OTULIN: variants seen among roughly 807,000 people sequenced by gnomAD.
OTULIN encodes OTU deubiquitinase with linear linkage specificity, also known as ubiquitin thioesterase otulin.
In OTULIN, 15 loss-of-function variants were observed where a neutral mutation model predicts 39.6. The ratio of observed to expected loss-of-function variants is 0.38; its 90% CI spans 0.25 to 0.58. The LOEUF is 0.58. Ranked by LOEUF, OTULIN falls within the 20% of genes least tolerant of loss-of-function variation. The pLI is 0.66. For synonymous variants in OTULIN, 156 were observed against 170.3 expected (o/e 0.92, Z 0.65); for missense variants, 319 against 445.9 (o/e 0.72, Z 2.56).
rs112812457 is a variant in OTULIN at position 14,686,317 on chromosome 5, T to G, written c.469-1204T>G. On this transcript the variant is annotated intron_variant, in intron 4 of 6. Transcript: ENST00000284274. Reference sequence around the variant, plus strand: ...TTACTATATAAAGTTTTTAATTTTTTGGGGATGAGGTCTTGCTCTGTTGCT... The same window carrying G: ...TTACTATATAAAGTTTTTAATTTTTGGGGGATGAGGTCTTGCTCTGTTGCT... Among the ~76,000 whole-genome samples the G allele has an allele frequency of 7.7e-3, 1,168 of 152,322 alleles. 6 individuals carry two copies. The highest frequency in any genetic ancestry group is 0.013 in the Non-Finnish European group (868 of 68,022).
intron 1 of OTULIN, among the ~76,000 whole-genome samples, chr5:14,670,291 T>C (rs1472102322): frequency 6.6e-6 from 1 of 152,202 alleles, no homozygotes; most frequent in Non-Finnish European, 1.5e-5. Flanking sequence ...TCCCATCCCA[T>C]AACAAAAACG....
chr5:14,691,189 A>G (rs180856828), intron 6 of OTULIN, among the ~76,000 whole-genome samples: 520 of 152,320 alleles, frequency 3.4e-3, no homozygotes, highest in African/African-American at 0.012. Flanking sequence ...GGAATAGCCA[A>G]CCGCTAAAGT....
At chr5:14,673,604 A>G (rs993123311) in intron 1 of OTULIN, 38 bp from the exon 2 acceptor site, 6 of 1,594,886 alleles carry the variant, frequency 3.8e-6, no homozygotes, top group Non-Finnish European at 5.1e-6. Context: ...TGTCAGTGCA[A>G]CAAGTGTTTG....
At chr5:14,666,354 G>A (rs1378903375) in intron 1 of OTULIN, among the ~76,000 whole-genome samples, 1 of 152,172 alleles carries the variant, frequency 6.6e-6, no homozygotes, top group Non-Finnish European at 1.5e-5. Context: ...TGGCACAGGT[G>A]CCTCTTCTGT....
At chr5:14,683,727 C>T (rs1250739011) in intron 4 of OTULIN, among the ~76,000 whole-genome samples, 2 of 152,100 alleles carry the variant, frequency 1.3e-5, no homozygotes, top group African/African-American at 4.8e-5. Context: ...TGAGGCTTTA[C>T]CTTTAAGGAG....
chr5:14,692,550 T>G (rs1454854479), intron 6 of OTULIN, among the ~76,000 whole-genome samples: 1 of 152,234 alleles, frequency 6.6e-6, no homozygotes, highest in East Asian at 1.9e-4. Flanking sequence ...TGGAGAGAGG[T>G]GTCTGTTCAG....
At chr5:14,707,147 GCTGTC>G in the OTULIN span, 1 of 152,212 alleles carries the variant, frequency 6.6e-6, no homozygotes, top group Non-Finnish European at 1.5e-5. Context: ...ACCGGCACAT[GCTGTC>G]CTGGGCACTG....
At chr5:14,688,657 C>A (rs1252706919) in intron 5 of OTULIN, among the ~76,000 whole-genome samples, 1 of 152,124 alleles carries the variant, frequency 6.6e-6, no homozygotes, top group Non-Finnish European at 1.5e-5. Flanking sequence ...TTTTATCTTT[C>A]TTTTACTATA....
intron 1 of OTULIN, among the ~76,000 whole-genome samples, chr5:14,671,443 G>T (rs1735976083): frequency 6.6e-6 from 1 of 152,210 alleles, no homozygotes; most frequent in Admixed American, 6.5e-5. Context: ...ATGATACTAT[G>T]AAAGTGCTTT....
the OTULIN span, among the ~76,000 whole-genome samples, chr5:14,714,354 G>A: frequency 6.6e-6 from 1 of 152,340 alleles, no homozygotes; most frequent in Admixed American, 6.5e-5. Flanking sequence ...TGGAGAGCAC[G>A]GGGCTTGCCC....
rs1233360386 is a variant in OTULIN, at chr5:14,697,065, A to ATG, written c.*4023_*4024dup. The stretch of plus-strand genomic sequence containing the variant: ...AGGAGGGGTGTGTGTGTGTGTGTGC[A>ATG]TGTGTGTATATGCGTGTTGGTCTGC... On this transcript the variant is annotated 3_prime_UTR_variant, in exon 7 of 7. Transcript: ENST00000284274. The ATG allele has an allele frequency of 3.9e-5, 6 of 151,922 alleles. No individual in the cohort carries two copies. The highest frequency in any genetic ancestry group is 1.5e-4 in the African/African-American group (6 of 41,290). 9.4% of individuals were successfully genotyped at this position (151,922 alleles called of 1,614,324 possible). A position where few individuals can be genotyped will look rare whatever the true frequency, so the allele number is the denominator to read the frequency against.
intron 1 of OTULIN, among the ~76,000 whole-genome samples, chr5:14,666,358 C>T (rs960261552): frequency 6.6e-6 from 1 of 152,122 alleles, no homozygotes; most frequent in African/African-American, 2.4e-5. Context: ...ACAGGTGCCT[C>T]TTCTGTCTGC....
Position 14,687,603 on chromosome 5 carries a change from T to C in OTULIN, c.551T>C (p.Leu184Pro), listed in dbSNP as rs772402833. ...GLKFDGKNED[L>P]VDKIKESLTL... ...AAATTTGATGGGAAGAATGAGGACCTGGTTGATAAAATTAAAGAGTCCCTT... is the reference window on the plus strand; with the variant it reads ...AAATTTGATGGGAAGAATGAGGACCCGGTTGATAAAATTAAAGAGTCCCTT... The change falls in exon 5 of 7, where the codon CTG (leucine) becomes CCG (proline). Residue 184 changes from leucine (L) to proline (P), a missense_variant. By Grantham distance (98) the Leu-to-Pro change is moderately conservative. Coordinates refer to ENST00000284274, the MANE Select transcript of OTULIN (RefSeq NM_138348.6). 1 of 1,614,076 alleles carries C rather than the reference T, an allele frequency of 6.2e-7. No individual in the cohort carries two copies. The highest frequency in any genetic ancestry group is 8.5e-7 in the Non-Finnish European group (1 of 1,179,998).
intron 2 of OTULIN, among the ~76,000 whole-genome samples, chr5:14,675,094 A>G (rs1287388183): frequency 6.6e-6 from 1 of 152,160 alleles, no homozygotes; most frequent in Non-Finnish European, 1.5e-5. Context: ...TGTTGCTCTA[A>G]TAGGGGCTCT....
chr5:14,683,149 G>C (rs934259731), intron 4 of OTULIN, among the ~76,000 whole-genome samples: 2 of 152,106 alleles, frequency 1.3e-5, no homozygotes, highest in African/African-American at 2.4e-5. Context: ...CAAGTGTGGT[G>C]GCGCCTGTAG....
chr5:14,710,404 T>C, the OTULIN span: 11 of 152,342 alleles, frequency 7.2e-5, no homozygotes, highest in East Asian at 7.7e-4. Flanking sequence ...AGATGCGCTT[T>C]TGTGACAATT....
chr5:14,665,495 T>A (rs1197685217), intron 1 of OTULIN, among the ~76,000 whole-genome samples: 7 of 152,192 alleles, frequency 4.6e-5, no homozygotes, highest in African/African-American at 1.7e-4. Context: ...CTTTTCCTTT[T>A]GAAAAGGAAA....
Position 14,694,525 on chromosome 5 carries a change from A to G in OTULIN, c.*1477A>G, listed in dbSNP as rs191212096. 1.3e-5 allele frequency: 2 copies of G among 152,312 alleles called. No individual in the cohort carries two copies. Among genetic ancestry groups the G allele is most frequent in the African/African-American group, 2.4e-5 (1 of 41,554 alleles). The allele number at this position is 152,312 out of a possible 1,614,324, so 9.4% of individuals were successfully genotyped here. A position where few individuals can be genotyped will look rare whatever the true frequency, so the allele number is the denominator to read the frequency against. ...AAATCCTTATTTGGTCCAATTTAAT[A>G]TAGTTTAGAAGCTATTTTTTTTGAG... On this transcript the variant is annotated 3_prime_UTR_variant, in exon 7 of 7. Transcript: ENST00000284274.
In OTULIN at chr5:14,693,947, A is replaced by T. The variant is rs971561349; in HGVS notation, c.*899A>T. On this transcript the variant is annotated 3_prime_UTR_variant, in exon 7 of 7. Transcript: ENST00000284274. ...CTTTAATTATTCTACAGTTCCATAG[A>T]TTCACAATTTTATAGCCAAACAGTT... 6.6e-6 allele frequency: 1 copy of T among 152,130 alleles called. No individual in the cohort carries two copies. The highest frequency in any genetic ancestry group is 2.4e-5 in the African/African-American group (1 of 41,414). The allele number at this position is 152,130 out of a possible 1,614,324, so 9.4% of individuals were successfully genotyped here. A position where few individuals can be genotyped will look rare whatever the true frequency, so the allele number is the denominator to read the frequency against.
Sources: allele counts gnomAD v4.1 joint callset (sites outside exome capture counted in the v4.1 genomes callset), GRCh38; gene constraint gnomAD v4.1.1; transcripts MANE v1.5; gene names NCBI Gene and HGNC (gene_info 2026-07-23, HGNC 2026-07-21).